The following SH3TC2 variants were observed in gnomAD, a reference collection of about 807,000 sequenced individuals.
SH3TC2 encodes the protein SH3 domain and tetratricopeptide repeats 2.
SH3TC2 carries 87 observed loss-of-function variants against 124.5 expected under a neutral mutation model. The ratio of observed to expected loss-of-function variants is 0.70; its 90% CI spans 0.59 to 0.84. SH3TC2 has a LOEUF of 0.84. Among genes scored for constraint, SH3TC2 ranks in the 40% least tolerant of loss-of-function variants. The pLI is 0.00. For missense variants in SH3TC2, 1,536 were observed against 1,566.4 expected (o/e 0.98, Z 0.33); for synonymous variants, 634 against 628.5 (o/e 1.01, Z -0.13).
At chr5:149,029,616 C>A (rs1306308409) in intron 9 of SH3TC2, among the ~76,000 whole-genome samples, 1 of 152,004 alleles carries the variant, frequency 6.6e-6, no homozygotes, top group Non-Finnish European at 1.5e-5. Flanking sequence ...GCCTGGGCAA[C>A]TCACTGGCAG....
chr5:149,021,907 TTTTTTTTTTTTTTTTTTTTTTTTTG>T (rs1753980266), intron 12 of SH3TC2, among the ~76,000 whole-genome samples: 3 of 26,062 alleles, frequency 1.2e-4, no homozygotes, highest in African/African-American at 9.4e-4. Flanking sequence ...TTTTTTTTTT[TTTTTTTTTTTTTTTTTTTTTTTTTG>T]AGACGGAGTC....
At position 149,037,105 on chromosome 5, in the gene SH3TC2, C is replaced by T. The variant is rs115459267; in HGVS notation, c.1001+1190G>A. On this transcript the variant is annotated intron_variant, in intron 8 of 16. Transcript: ENST00000515425. Reference sequence around the variant, plus strand: ...CCTCACACAGGCATTCCCAGGTTTCCAGAGCATGGACCCACCTTTGCTGCA... The same window carrying T: ...CCTCACACAGGCATTCCCAGGTTTCTAGAGCATGGACCCACCTTTGCTGCA... Among the ~76,000 whole-genome samples, 363 of 152,308 alleles carry T rather than the reference C, an allele frequency of 2.4e-3. 1 individual carries two copies. Among genetic ancestry groups the T allele is most frequent in the African/African-American group, 8.4e-3 (350 of 41,558 alleles).
intron 7 of SH3TC2, 21 bp from the exon 8 acceptor site, chr5:149,038,511 A>G (rs770306282): frequency 6.2e-7 from 1 of 1,613,256 alleles, no homozygotes; most frequent in Non-Finnish European, 8.5e-7. Flanking sequence ...TAGCACACAG[A>G]TCAGCTACAG....
intron 8 of SH3TC2, among the ~76,000 whole-genome samples, chr5:149,033,199 C>T (rs1184068748): frequency 6.6e-6 from 1 of 152,152 alleles, no homozygotes; most frequent in African/African-American, 2.4e-5. Flanking sequence ...TGCCTCACAA[C>T]ATCTGCTAAA....
intron 8 of SH3TC2, among the ~76,000 whole-genome samples, chr5:149,037,583 T>A (rs1390489580): frequency 6.6e-6 from 1 of 152,154 alleles, no homozygotes; most frequent in African/African-American, 2.4e-5. Flanking sequence ...GTTGTGTCAG[T>A]GTTAGGAGCC....
intron 12 of SH3TC2, among the ~76,000 whole-genome samples, chr5:149,025,210 G>T (rs570373256): frequency 6.6e-6 from 1 of 152,246 alleles, no homozygotes; most frequent in African/African-American, 2.4e-5. Context: ...ATGCTGCATG[G>T]ATCCAAAGCT....
At chr5:149,044,107 C>T (rs150727637) in intron 4 of SH3TC2, 66 of 190,090 alleles carry the variant, frequency 3.5e-4, no homozygotes, top group Non-Finnish European at 6.0e-4. Context: ...TAACTCTTTT[C>T]CAAATACATG....
At chr5:149,021,556 T>A (rs1165060726) in intron 12 of SH3TC2, among the ~76,000 whole-genome samples, 1 of 150,452 alleles carries the variant, frequency 6.6e-6, no homozygotes, top group East Asian at 2.0e-4. Flanking sequence ...GAGAGAAGAG[T>A]CTCAGGAATT....
At chr5:149,037,712 AG>A (rs1754306009) in intron 8 of SH3TC2, among the ~76,000 whole-genome samples, 1 of 152,188 alleles carries the variant, frequency 6.6e-6, no homozygotes, top group Non-Finnish European at 1.5e-5. Context: ...CTTCCATGAC[AG>A]GGTGGGTGGA....
chr5:149,058,510 C>T (rs997971527), intron 1 of SH3TC2, among the ~76,000 whole-genome samples: 8 of 151,784 alleles, frequency 5.3e-5, no homozygotes, highest in African/African-American at 1.9e-4. Context: ...GTGTCCATTC[C>T]AACATTTTGC....
intron 7 of SH3TC2, among the ~76,000 whole-genome samples, chr5:149,040,200 A>G (rs1484989436): frequency 6.6e-6 from 1 of 152,214 alleles, no homozygotes; most frequent in Non-Finnish European, 1.5e-5. Context: ...TAATTTTACA[A>G]AACTCTAAGG....
intron 13 of SH3TC2, among the ~76,000 whole-genome samples, chr5:149,010,643 CATTTT>C (rs974856619): frequency 7.0e-4 from 106 of 151,992 alleles, no homozygotes; most frequent in African/African-American, 2.4e-3. Context: ...TATAGAAAAA[CATTTT>C]GTTTTACTAG....
At chr5:149,029,045 C>T (rs760197694) in intron 9 of SH3TC2, among the ~76,000 whole-genome samples, 77 of 151,946 alleles carry the variant, frequency 5.1e-4, no homozygotes, top group Non-Finnish European at 9.1e-4. Flanking sequence ...CAGTGGGGGT[C>T]CTGATAGAAT....
chr5:149,058,970 G>A (rs1048004451), intron 1 of SH3TC2, among the ~76,000 whole-genome samples: 1 of 152,170 alleles, frequency 6.6e-6, no homozygotes, highest in Non-Finnish European at 1.5e-5. Flanking sequence ...AATCCAGGGA[G>A]GTGAGTGTAA....
Position 148,989,224 on chromosome 5 carries a change from A to G in SH3TC2, c.*15487T>C, listed in dbSNP as rs149989481. Among the ~76,000 whole-genome samples, 1 of 152,308 alleles carries G rather than the reference A, an allele frequency of 6.6e-6. No homozygotes were observed. Among genetic ancestry groups the G allele is most frequent in the Non-Finnish European group, 1.5e-5 (1 of 68,028 alleles). ...TAAAAATAGCCATAATCTATTAACGACCTATTACATTCCAGCCACCATGCT... is the reference window on the plus strand; with the variant it reads ...TAAAAATAGCCATAATCTATTAACGGCCTATTACATTCCAGCCACCATGCT... On this transcript the variant is annotated 3_prime_UTR_variant, in exon 17 of 17. Coordinates refer to ENST00000515425, the MANE Select transcript of SH3TC2 (RefSeq NM_024577.4).
At position 148,987,847 on chromosome 5, in the gene SH3TC2, G is replaced by A. The variant is rs1421485237; in HGVS notation, c.*16864C>T. Among the ~76,000 whole-genome samples the A allele has an allele frequency of 6.6e-6, 1 of 151,234 alleles. No individual in the cohort carries two copies. Among genetic ancestry groups the A allele is most frequent in the African/African-American group, 2.4e-5 (1 of 40,896 alleles). ...TGTGTGTGTGTGTGTGTGTGTGTGT[G>A]TGTGTGTGTTCTTTAGATCATGAAA... On this transcript the variant is annotated 3_prime_UTR_variant, in exon 17 of 17. Transcript: ENST00000515425.
At chr5:149,052,094 G>T (rs777890544) in intron 2 of SH3TC2, 48 bp downstream of exon 2, 4 of 1,281,100 alleles carry the variant, frequency 3.1e-6, no homozygotes, top group Non-Finnish European at 3.4e-6. Flanking sequence ...AGAGGTTATC[G>T]CAATACTCAA....
intron 13 of SH3TC2, among the ~76,000 whole-genome samples, chr5:149,011,228 G>A (rs9687471): frequency 0.17 from 25,617 of 152,226 alleles, 2,507 homozygotes; most frequent in East Asian, 0.24. Flanking sequence ...GTTCTGGCCA[G>A]TGAACATTTC....
chr5:148,983,610 A>G lies in SH3TC2; in HGVS notation c.*21101T>C, dbSNP rs564637028. On this transcript the variant is annotated 3_prime_UTR_variant, in exon 17 of 17. Coordinates refer to ENST00000515425, the MANE Select transcript of SH3TC2 (RefSeq NM_024577.4). ...GCACATTCCCCTTCCAGTAACAGCAATCTAGCTTCCTATTTTGGGGTTTCC... is the reference window on the plus strand; with the variant it reads ...GCACATTCCCCTTCCAGTAACAGCAGTCTAGCTTCCTATTTTGGGGTTTCC... Among the ~76,000 whole-genome samples the G allele has an allele frequency of 3.0e-4, 46 of 152,226 alleles. No homozygotes were observed. Among genetic ancestry groups the G allele is most frequent in the Non-Finnish European group, 6.0e-4 (41 of 67,998 alleles).
Sources: allele counts gnomAD v4.1 joint callset (sites outside exome capture counted in the v4.1 genomes callset), GRCh38; gene constraint gnomAD v4.1.1; transcripts MANE v1.5; gene names NCBI Gene and HGNC (gene_info 2026-07-23, HGNC 2026-07-21).